Variants in RALYL observed in about 807,000 individuals in gnomAD.
RALYL encodes RNA-binding Raly-like protein.
In RALYL, 29 loss-of-function variants were observed where a neutral mutation model predicts 35.1. The ratio of observed to expected loss-of-function variants is 0.83; its 90% CI spans 0.61 to 1.13. The LOEUF (loss-of-function observed/expected upper bound fraction) is 1.13, where lower values mean the gene tolerates loss of function less well. RALYL is among the 50% of genes most tolerant of loss of function. The pLI, the probability that RALYL is intolerant of heterozygous loss-of-function variation, is 0.00. For synonymous variants in RALYL, 120 were observed against 127.6 expected, an observed-to-expected ratio of 0.94 and a Z score of 0.40; for missense variants, 359 against 360.4, an observed-to-expected ratio of 1.00 and a Z score of 0.03.
At chr8:84,729,052 G>A (rs200944493) in intron 2 of RALYL, among the ~76,000 whole-genome samples, 7 of 151,946 alleles carry the variant, frequency 4.6e-5, no homozygotes, top group African/African-American at 9.7e-5. Context: ...TTGAATCTAT[G>A]AATTACCTTG....
intron 1 of RALYL, among the ~76,000 whole-genome samples, chr8:84,489,030 G>A (rs1418419347): frequency 1.3e-5 from 2 of 151,932 alleles, no homozygotes; most frequent in Non-Finnish European, 2.9e-5. Context: ...TATAGTCACA[G>A]ATATCCACGT....
chr8:84,791,959 CG>C (rs1820884932), intron 3 of RALYL, among the ~76,000 whole-genome samples: 2 of 152,104 alleles, frequency 1.3e-5, no homozygotes, highest in Admixed American at 1.3e-4. Flanking sequence ...GTTCAGCCAC[CG>C]TATGTGTGCA....
intron 2 of RALYL, among the ~76,000 whole-genome samples, chr8:84,571,095 A>G (rs1045762381): frequency 6.6e-6 from 1 of 151,458 alleles, no homozygotes; most frequent in Non-Finnish European, 1.5e-5. Context: ...GGGATATTGC[A>G]TGTAGTTCTC....
intron 2 of RALYL, among the ~76,000 whole-genome samples, chr8:84,555,282 T>C (rs1478936956): frequency 2.8e-5 from 4 of 141,290 alleles, no homozygotes; most frequent in African/African-American, 8.2e-5. Flanking sequence ...CATCTCAATA[T>C]ATACATACAC....
intron 2 of RALYL, among the ~76,000 whole-genome samples, chr8:84,636,937 T>C (rs2131317108): frequency 6.6e-6 from 1 of 152,028 alleles, no homozygotes; most frequent in South Asian, 2.1e-4. Context: ...GGAATAGCTG[T>C]TTATGTTGAT....
chr8:84,395,809 C>T (rs1382353225), intron 1 of RALYL, among the ~76,000 whole-genome samples: 1 of 151,670 alleles, frequency 6.6e-6, no homozygotes, highest in Non-Finnish European at 1.5e-5. Flanking sequence ...GTTAAAAATT[C>T]CCAGAATGAG....
rs143513801 is a variant in RALYL at position 84,316,672 on chromosome 8, G to A, written c.-24+132248G>A. On this transcript the variant is annotated intron_variant, in intron 1 of 8. Transcript: ENST00000521268. ...AAATGTTTGTTCTCATTCTGCATCC[G>A]CAAATTCAATGTTTAAACTTAGCAC... Among the ~76,000 whole-genome samples, 429 of 152,056 alleles carry A rather than the reference G, an allele frequency of 2.8e-3. 8 individuals carry two copies. The South Asian group carries it at 0.041, about 15-fold the overall frequency.
At chr8:84,440,727 T>C (rs1256568238) in intron 1 of RALYL, among the ~76,000 whole-genome samples, 1 of 152,084 alleles carries the variant, frequency 6.6e-6, no homozygotes, top group Non-Finnish European at 1.5e-5. Flanking sequence ...TTCTGTTATA[T>C]GGATATGACA....
At chr8:84,197,644 T>C (rs1400740683) in intron 1 of RALYL, among the ~76,000 whole-genome samples, 6 of 151,976 alleles carry the variant, frequency 3.9e-5, no homozygotes, top group African/African-American at 9.7e-5. Context: ...AAACTTATTT[T>C]GGGGCCGGGC....
chr8:84,862,505 A>G, intron 6 of RALYL, 52 bp downstream of exon 6: 2 of 1,380,766 alleles, frequency 1.4e-6, no homozygotes, highest in Non-Finnish European at 1.9e-6. Context: ...GTGATTAACT[A>G]TCATTGCACG....
At chr8:84,911,155 C>G (rs1028878325) in intron 8 of RALYL, among the ~76,000 whole-genome samples, 3 of 152,068 alleles carry the variant, frequency 2.0e-5, no homozygotes, top group Non-Finnish European at 4.4e-5. Context: ...GAAAGTTCAA[C>G]TAGCAACTAT....
At chr8:84,328,731 A>G (rs1252641364) in intron 1 of RALYL, among the ~76,000 whole-genome samples, 6 of 152,176 alleles carry the variant, frequency 3.9e-5, no homozygotes, top group Admixed American at 3.9e-4. Context: ...ATAGTACCCA[A>G]CAGTTAGTCA....
chr8:84,741,668 C>T (rs1020376033), intron 2 of RALYL, among the ~76,000 whole-genome samples: 3 of 151,982 alleles, frequency 2.0e-5, no homozygotes, highest in Non-Finnish European at 4.4e-5. Flanking sequence ...CACATTGGGT[C>T]TTAGGCTCAT....
intron 2 of RALYL, among the ~76,000 whole-genome samples, chr8:84,702,998 G>C (rs1840475680): frequency 6.6e-6 from 1 of 152,150 alleles, no homozygotes; most frequent in Non-Finnish European, 1.5e-5. Context: ...AGGAAGAAGA[G>C]TGGGGTGCCT....
At chr8:84,332,436 C>T (rs377211969) in intron 1 of RALYL, among the ~76,000 whole-genome samples, 8 of 152,022 alleles carry the variant, frequency 5.3e-5, no homozygotes, top group East Asian at 1.9e-4. Flanking sequence ...TATACAAGTT[C>T]TGACTGAAAA....
intron 2 of RALYL, among the ~76,000 whole-genome samples, chr8:84,554,064 C>A (rs7010019): frequency 0.011 from 1,656 of 152,240 alleles, 27 homozygotes; most frequent in African/African-American, 0.037. Flanking sequence ...TTCTTTAATT[C>A]TCTTACTGAA....
chr8:84,907,823 T>C (rs944645738), intron 8 of RALYL, among the ~76,000 whole-genome samples: 1 of 152,060 alleles, frequency 6.6e-6, no homozygotes, highest in African/African-American at 2.4e-5. Context: ...TTTCATAAGT[T>C]GGAGAAATAT....
chr8:84,848,812 A>G (rs996998261), intron 4 of RALYL, among the ~76,000 whole-genome samples: 2 of 152,214 alleles, frequency 1.3e-5, no homozygotes, highest in Non-Finnish European at 2.9e-5. Flanking sequence ...ATGTTTTGCC[A>G]CAATAAAAAG....
intron 2 of RALYL, among the ~76,000 whole-genome samples, chr8:84,638,534 T>C (rs1301092831): frequency 6.6e-6 from 1 of 151,430 alleles, no homozygotes; most frequent in Non-Finnish European, 1.5e-5. Context: ...TTCTTTGAAA[T>C]AAATAAATAA....
Sources: gnomAD v4.1 joint callset for allele counts (sites outside exome capture counted in the v4.1 genomes callset) on GRCh38, gnomAD v4.1.1 for gene constraint, MANE v1.5 for transcripts, NCBI Gene and HGNC (gene_info 2026-07-23, HGNC 2026-07-21) for gene names.